The following XPOT variants were observed in gnomAD, a reference collection of about 807,000 sequenced individuals.
XPOT encodes exportin-T.
XPOT carries 34 observed loss-of-function variants against 128.2 expected under a neutral mutation model. The observed-to-expected ratio is 0.27, with a 90% CI of 0.20 to 0.35. The LOEUF (loss-of-function observed/expected upper bound fraction) is 0.35, where lower values mean the gene tolerates loss of function less well. XPOT is among the 10% of genes least tolerant of loss of function. XPOT has a pLI of 1.00. For synonymous variants in XPOT, 348 were observed against 394.3 expected, an observed-to-expected ratio of 0.88 and a Z score of 1.39; for missense variants, 838 against 1,125.3, an observed-to-expected ratio of 0.74 and a Z score of 3.65.
intron 1 of XPOT, among the ~76,000 whole-genome samples, chr12:64,405,592 T>C (rs542733844): frequency 6.6e-6 from 1 of 152,326 alleles, no homozygotes; most frequent in South Asian, 2.1e-4. Context: ...TGCATAATTG[T>C]TTACCGTATT....
Position 64,425,175 on chromosome 12 carries a change from T to C in XPOT, c.1445T>C (p.Met482Thr), listed in dbSNP as rs766688781. 1 of 1,614,122 alleles carries C rather than the reference T, an allele frequency of 6.2e-7. No homozygotes were observed. The highest frequency in any genetic ancestry group is 1.1e-5 in the South Asian group (1 of 91,084). Reference sequence around the variant, plus strand: ...AAAGCTAGTGCTTTGCAGGATATGATGCGAACTGTAAGTATACTGGAGATA... The same window carrying C: ...AAAGCTAGTGCTTTGCAGGATATGACGCGAACTGTAAGTATACTGGAGATA... ...VSKASALQDMMRTLVTSGVSS... is the reference protein window; with the variant it reads ...VSKASALQDMTRTLVTSGVSS... The change falls in exon 13 of 25, where the codon ATG becomes ACG. Residue 482 changes from methionine to threonine, a missense_variant. Transcript: ENST00000332707.
At chr12:64,419,674 G>T (rs2040120642) in intron 6 of XPOT, among the ~76,000 whole-genome samples, 1 of 152,302 alleles carries the variant, frequency 6.6e-6, no homozygotes, top group African/African-American at 2.4e-5. Flanking sequence ...TTATGAATCT[G>T]TTGAGAAAGG....
Position 64,418,089 on chromosome 12 carries a change from A to G in XPOT, c.244A>G (p.Thr82Ala), listed in dbSNP as rs1458502538. The G allele has an allele frequency of 6.2e-7, 1 of 1,613,602 alleles. No homozygotes were observed. Among genetic ancestry groups the G allele is most frequent in the South Asian group, 1.1e-5 (1 of 90,968 alleles). ...TGTTCAACAACAGCTAATTAGGGAG[A>G]CGCTCATATCATGGCTGCAAGCTCA... is the stretch of plus-strand genomic sequence containing the variant. ...TTVQQQLIRE[T>A]LISWLQAQML... The change falls in exon 5 of 25, where the codon ACG becomes GCG. Residue 82 changes from threonine to alanine, a missense_variant. This residue lies in a region of XPOT where 761 missense variants were observed against 988.3 expected (regional missense o/e 0.77). Coordinates refer to ENST00000332707, the MANE Select transcript of XPOT (RefSeq NM_007235.6).
chr12:64,426,311 AAAG>A (rs1410443946), intron 15 of XPOT, among the ~76,000 whole-genome samples: 9 of 147,350 alleles, frequency 6.1e-5, no homozygotes, highest in Admixed American at 4.7e-4. Flanking sequence ...AAAAAAAAAA[AAAG>A]AAAAAGAAAA....
At position 64,410,059 on chromosome 12, in the gene XPOT, G is replaced by A. The variant is rs747388269; in HGVS notation, c.24G>A (p.Gly8=). 8 of 1,613,646 alleles carry A rather than the reference G, an allele frequency of 5.0e-6. No individual in the cohort carries two copies. The highest frequency in any genetic ancestry group is 6.8e-6 in the Non-Finnish European group (8 of 1,179,980). ...GGATGGATGAACAGGCTCTATTAGGGCTAAATCCAAATGCTGATTCAGACT... is the reference window on the plus strand; with the variant it reads ...GGATGGATGAACAGGCTCTATTAGGACTAAATCCAAATGCTGATTCAGACT... MDEQALL[G]LNPNADSDFR... is the part of the protein sequence containing the mutation. Residue 8 remains glycine, a synonymous_variant, in exon 2 of 25, where the codon GGG becomes GGA. Coordinates refer to ENST00000332707, the MANE Select transcript of XPOT (RefSeq NM_007235.6).
At chr12:64,405,653 C>T (rs1462668302) in intron 1 of XPOT, among the ~76,000 whole-genome samples, 1 of 152,224 alleles carries the variant, frequency 6.6e-6, no homozygotes, top group Admixed American at 6.5e-5. Flanking sequence ...GAGTCTCGCT[C>T]GGTCGCCCAG....
chr12:64,437,105 T>G (rs144901303), intron 22 of XPOT, among the ~76,000 whole-genome samples: 147 of 152,142 alleles, frequency 9.7e-4, no homozygotes, highest in African/African-American at 3.3e-3. Flanking sequence ...TCATTTGAAC[T>G]TGATTTTTTG....
intron 1 of XPOT, among the ~76,000 whole-genome samples, chr12:64,406,675 C>A (rs2039986376): frequency 6.6e-6 from 1 of 152,156 alleles, no homozygotes; most frequent in African/African-American, 2.4e-5. Flanking sequence ...CCTGCCTGGC[C>A]AGCATTTTTT....
chr12:64,443,124 G>A lies in XPOT; in HGVS notation c.2806-1951G>A, dbSNP rs149898555. The A allele has an allele frequency of 1.2e-3, 183 of 152,334 alleles. 2 individuals carry two copies. The highest frequency in any genetic ancestry group is 4.1e-3 in the African/African-American group (169 of 41,508). The allele number at this position is 152,334 out of a possible 1,614,324, so 9.4% of individuals were successfully genotyped here. A position where few individuals can be genotyped will look rare whatever the true frequency, so the allele number is the denominator to read the frequency against. ...TTCCCAAAGTGCTGGGATTACAGGC[G>A]TGAGCCACCGTGCCCGATCCAAGGG... On this transcript the variant is annotated intron_variant, in intron 23 of 24. Transcript: ENST00000332707.
chr12:64,405,565 C>T (rs1389489916), intron 1 of XPOT, among the ~76,000 whole-genome samples: 1 of 152,236 alleles, frequency 6.6e-6, no homozygotes, highest in Non-Finnish European at 1.5e-5. Context: ...TGCCTTCCCC[C>T]AAGAACCTTT....
chr12:64,425,814 G>T lies in XPOT; in HGVS notation c.1573-1G>T. On this transcript the variant is annotated splice_acceptor_variant, in intron 14 of 24. Transcript: ENST00000332707. LOFTEE classifies it high-confidence loss of function. Reference sequence around the variant, plus strand: ...AATAGTAAAAGTGTCTCCTTCTTTAGATGGCTTTCTTAGATCACAGAGGTC... The same window carrying T: ...AATAGTAAAAGTGTCTCCTTCTTTATATGGCTTTCTTAGATCACAGAGGTC... The T allele has an allele frequency of 6.2e-7, 1 of 1,613,562 alleles. No individual in the cohort carries two copies. Among genetic ancestry groups the T allele is most frequent in the Non-Finnish European group, 8.5e-7 (1 of 1,179,782 alleles).
At chr12:64,442,100 G>A (rs2040329599) in intron 23 of XPOT, among the ~76,000 whole-genome samples, 1 of 151,722 alleles carries the variant, frequency 6.6e-6, no homozygotes, top group Non-Finnish European at 1.5e-5. Flanking sequence ...CCCTTTTATT[G>A]CAAAGACATT....
chr12:64,428,090 A>G lies in XPOT; in HGVS notation c.1707A>G (p.Arg569=), dbSNP rs1403670300. 3 of 1,576,938 alleles carry G rather than the reference A, an allele frequency of 1.9e-6. No homozygotes were observed. Among genetic ancestry groups the G allele is most frequent in the Non-Finnish European group, 2.6e-6 (3 of 1,148,030 alleles). Residue 569 remains arginine (R), a synonymous_variant, in exon 16 of 25, where the codon AGA becomes AGG. Transcript: ENST00000332707. ...MNPFIEDILN[R]IQDLLELSPP... Reference sequence around the variant, plus strand: ...CTTTCATTGAGGATATTTTGAATAGAATACAAGATTTATTAGAGCTTTCTC... The same window carrying G: ...CTTTCATTGAGGATATTTTGAATAGGATACAAGATTTATTAGAGCTTTCTC...
intron 15 of XPOT, among the ~76,000 whole-genome samples, chr12:64,427,820 G>T (rs929431129): frequency 1.3e-5 from 2 of 152,088 alleles, no homozygotes; most frequent in Non-Finnish European, 2.9e-5. Context: ...TATTTTTTGC[G>T]AATGAAAACT....
chr12:64,445,658 CT>C (rs1234133983), intron 24 of XPOT, among the ~76,000 whole-genome samples: 1 of 151,952 alleles, frequency 6.6e-6, no homozygotes, highest in African/African-American at 2.4e-5. Flanking sequence ...TTGGTCTTAC[CT>C]AGGTAGTCAT....
Position 64,421,245 on chromosome 12 carries a change from T to G in XPOT, c.854T>G (p.Val285Gly), listed in dbSNP as rs2040135803. ...CTTGATTGCTTATAGGAAGAAGATG[T>G]TGACTTCCTGGCCAGATTTTCTAAG... The part of the protein sequence containing the change: ...GFFSIDQEED[V>G]DFLARFSKLV... The change falls in exon 9 of 25, where the codon GTT (valine) becomes GGT (glycine). Residue 285 changes from valine to glycine, a missense_variant. Physicochemically the swap from Val to Gly is moderately radical, Grantham distance 109 (BLOSUM62 -3). This residue lies in a region of XPOT where 761 missense variants were observed against 988.3 expected (regional missense o/e 0.77). Coordinates refer to ENST00000332707, the MANE Select transcript of XPOT (RefSeq NM_007235.6). 1.2e-5 allele frequency: 19 copies of G among 1,613,622 alleles called. No individual in the cohort carries two copies. The highest frequency in any genetic ancestry group is 1.5e-5 in the Non-Finnish European group (18 of 1,179,592).
At chr12:64,434,165 A>G (rs1424038745) in intron 19 of XPOT, among the ~76,000 whole-genome samples, 2 of 152,182 alleles carry the variant, frequency 1.3e-5, no homozygotes, top group East Asian at 1.9e-4. Flanking sequence ...AGTTGCCACA[A>G]TGCTGGGCTT....
chr12:64,449,257 T>C lies in XPOT; in HGVS notation c.*1126T>C, dbSNP rs896981747. On this transcript the variant is annotated 3_prime_UTR_variant, in exon 25 of 25. Coordinates refer to ENST00000332707, the MANE Select transcript of XPOT (RefSeq NM_007235.6). Reference sequence around the variant, plus strand: ...TTCTAACTCTTTTATTGGATGTATTTAGAACACAGTATACCTATAGTATAC... The same window carrying C: ...TTCTAACTCTTTTATTGGATGTATTCAGAACACAGTATACCTATAGTATAC... 3 of 152,192 alleles carry C rather than the reference T, an allele frequency of 2.0e-5. No homozygotes were observed. Among genetic ancestry groups the C allele is most frequent in the Non-Finnish European group, 4.4e-5 (3 of 68,038 alleles). The allele number at this position is 152,192 out of a possible 1,614,324, so 9.4% of individuals were successfully genotyped here. A position where few individuals can be genotyped will look rare whatever the true frequency, so the allele number is the denominator to read the frequency against.
intron 22 of XPOT, among the ~76,000 whole-genome samples, 175 bp downstream of exon 22, chr12:64,435,849 C>G (rs1265821183): frequency 6.6e-6 from 1 of 152,088 alleles, no homozygotes; most frequent in African/African-American, 2.4e-5. Context: ...TTTTGGGTAA[C>G]ATGTTTTGGT....
Sources: gnomAD v4.1 joint callset for allele counts (sites outside exome capture counted in the v4.1 genomes callset) on GRCh38, gnomAD v4.1.1 for gene constraint, gnomAD v4.1.1 regional missense constraint, MANE v1.5 for transcripts, NCBI Gene and HGNC (gene_info 2026-07-23, HGNC 2026-07-21) for gene names.